ABCA13: variants seen among roughly 807,000 people sequenced by gnomAD.
ABCA13 encodes ATP binding cassette subfamily A member 13.
In ABCA13, 476 loss-of-function variants were observed where a neutral mutation model predicts 478.7. That is an observed-to-expected ratio of 0.99 (90% CI 0.92 to 1.07). The LOEUF (loss-of-function observed/expected upper bound fraction) is 1.07, where lower values mean the gene tolerates loss of function less well. Ranked by LOEUF, ABCA13 falls within the 50% of genes least tolerant of loss-of-function variation. ABCA13 has a pLI of 0.00. For missense variants in ABCA13, 6,060 were observed against 5,910.6 expected (o/e 1.03, Z -0.83); for synonymous variants, 2,252 against 2,158.9 (o/e 1.04, Z -1.20).
intron 48 of ABCA13, among the ~76,000 whole-genome samples, chr7:48,496,645 A>AT (rs1313001251): frequency 6.6e-6 from 1 of 151,692 alleles, no homozygotes; most frequent in African/African-American, 2.4e-5. Context: ...AAATTTGCTT[A>AT]TTTTTTTCAA....
At chr7:48,609,655 A>G (rs888433315) in intron 58 of ABCA13, among the ~76,000 whole-genome samples, 4 of 152,198 alleles carry the variant, frequency 2.6e-5, no homozygotes, top group South Asian at 4.1e-4. Flanking sequence ...ATGAATTCCA[A>G]TATAACTCCT....
At chr7:48,473,601 G>A (rs550085654) in intron 45 of ABCA13, among the ~76,000 whole-genome samples, 14 of 152,278 alleles carry the variant, frequency 9.2e-5, no homozygotes, top group African/African-American at 2.2e-4. Context: ...TACAAAAGTC[G>A]TTTGTCAGGG....
At position 48,352,183 on chromosome 7, in the gene ABCA13, A is replaced by T. The variant is rs1438840966; in HGVS notation, c.10384A>T (p.Ile3462Phe). 2 of 1,601,766 alleles carry T rather than the reference A, an allele frequency of 1.2e-6. No homozygotes were observed. The highest frequency in any genetic ancestry group is 1.4e-5 in the African/African-American group (1 of 72,990). The change falls in exon 31 of 62, where the codon ATC becomes TTC. Residue 3462 changes from isoleucine (I) to phenylalanine (F), a missense_variant and splice_region_variant. Physicochemically the swap from Ile to Phe is conservative, Grantham distance 21 (BLOSUM62 0). Transcript: ENST00000435803. ...LLQQNSFLAS[I>F]IFSNSLFDKN... is the part of the protein sequence containing the mutation. ...CGTTTTTCCTTTTCTGCCACTAGGT[A>T]TCATTTTCAGCAATTCCTTATTCGA...
At chr7:48,586,152 G>A (rs1016416694) in intron 56 of ABCA13, among the ~76,000 whole-genome samples, 5 of 152,110 alleles carry the variant, frequency 3.3e-5, no homozygotes, top group African/African-American at 4.8e-5. Context: ...GCTGTGAACC[G>A]CAGGCTCTTG....
intron 3 of ABCA13, among the ~76,000 whole-genome samples, chr7:48,211,998 A>G (rs1386010591): frequency 3.9e-5 from 6 of 152,092 alleles, no homozygotes; most frequent in Non-Finnish European, 7.4e-5. Flanking sequence ...CTTCAAAACC[A>G]GCAGAACACC....
At chr7:48,628,993 A>T (rs981852376) in intron 59 of ABCA13, among the ~76,000 whole-genome samples, 4 of 152,216 alleles carry the variant, frequency 2.6e-5, no homozygotes, top group Non-Finnish European at 5.9e-5. Context: ...TTTTACTCTG[A>T]TGCCATTTAT....
At chr7:48,547,719 A>G (rs59673264) in intron 55 of ABCA13, among the ~76,000 whole-genome samples, 20,348 of 151,856 alleles carry the variant, frequency 0.13, 1,881 homozygotes, top group African/African-American at 0.21. Flanking sequence ...TTTCACTTTC[A>G]GTACAGTATT....
At chr7:48,618,097 T>G (rs1189788124) in intron 59 of ABCA13, among the ~76,000 whole-genome samples, 1 of 152,088 alleles carries the variant, frequency 6.6e-6, no homozygotes, top group African/African-American at 2.4e-5. Context: ...CTCCCTGAGT[T>G]CATCCCACCT....
At chr7:48,185,277 A>G (rs1001845644) in intron 1 of ABCA13, among the ~76,000 whole-genome samples, 1 of 152,216 alleles carries the variant, frequency 6.6e-6, no homozygotes, top group African/African-American at 2.4e-5. Context: ...TGCTTTGCTT[A>G]TTATGGAACT....
At chr7:48,541,517 C>T (rs1411381034) in intron 55 of ABCA13, among the ~76,000 whole-genome samples, 1 of 151,922 alleles carries the variant, frequency 6.6e-6, no homozygotes, top group Non-Finnish European at 1.5e-5. Context: ...CCTAATTTTA[C>T]TGACAAGAAT....
In ABCA13 at chr7:48,274,157, A is replaced by C. The variant is rs1416823696; in HGVS notation, c.4491A>C (p.Thr1497=). 5 of 1,610,260 alleles carry C rather than the reference A, an allele frequency of 3.1e-6. No individual in the cohort carries two copies. In the Admixed American group the frequency reaches 6.7e-5, roughly 22 times the overall value. ...TATTAGCTCTTTTAAATGATTCCAC[A>C]AAGCAAGTAAGGATGAGTATCAACA... is the stretch of plus-strand genomic sequence containing the variant. ...EILLALLNDS[T]KQVRMSINNL... The change falls in exon 17 of 62, where the codon ACA becomes ACC. Residue 1497 remains threonine, a synonymous_variant. Transcript: ENST00000435803.
chr7:48,548,140 C>T (rs1036742232), intron 55 of ABCA13, among the ~76,000 whole-genome samples: 1 of 151,806 alleles, frequency 6.6e-6, no homozygotes, highest in East Asian at 1.9e-4. Context: ...GCTAACTGCT[C>T]ATACACAGCG....
chr7:48,399,867 G>T (rs916171860), intron 38 of ABCA13, among the ~76,000 whole-genome samples: 3 of 152,152 alleles, frequency 2.0e-5, no homozygotes, highest in African/African-American at 7.2e-5. Flanking sequence ...ACCCAGTGAA[G>T]GAAAGAAACA....
intron 38 of ABCA13, among the ~76,000 whole-genome samples, chr7:48,403,239 A>C (rs886879042): frequency 6.6e-6 from 1 of 152,234 alleles, no homozygotes; most frequent in African/African-American, 2.4e-5. Flanking sequence ...GATTTAGTGG[A>C]CAGTGGCCAG....
intron 41 of ABCA13, among the ~76,000 whole-genome samples, chr7:48,422,717 G>A (rs534560161): frequency 3.9e-5 from 6 of 152,230 alleles, no homozygotes; most frequent in Admixed American, 2.0e-4. Context: ...CGACGTCCAC[G>A]TCCTTATCAC....
In ABCA13 at chr7:48,272,882, T is replaced by G; in HGVS notation, c.3216T>G (p.Asp1072Glu). ...GCCTCAAACAGCTGCTCATAATTGATGAAGATTTTCGTATTTCTTTATTTC... is the reference window on the plus strand; with the variant it reads ...GCCTCAAACAGCTGCTCATAATTGAGGAAGATTTTCGTATTTCTTTATTTC... ...LTGLKQLLII[D>E]EDFRISLFQY... Residue 1072 changes from aspartate (D) to glutamate (E), a missense_variant, in exon 17 of 62, where the codon GAT (aspartate) becomes GAG (glutamate). Asp to Glu is a conservative substitution (Grantham distance 45). Transcript: ENST00000435803. The G allele has an allele frequency of 6.2e-7, 1 of 1,608,744 alleles. No homozygotes were observed. Among genetic ancestry groups the G allele is most frequent in the South Asian group, 1.1e-5 (1 of 90,422 alleles).
At chr7:48,269,696 G>A (rs1795341375) in intron 16 of ABCA13, among the ~76,000 whole-genome samples, 1 of 152,192 alleles carries the variant, frequency 6.6e-6, no homozygotes, top group Non-Finnish European at 1.5e-5. Context: ...AATCTGTGAA[G>A]ACTGCTAAAA....
chr7:48,462,698 A>G (rs541096801), intron 43 of ABCA13, among the ~76,000 whole-genome samples: 3 of 152,208 alleles, frequency 2.0e-5, no homozygotes, highest in African/African-American at 7.2e-5. Context: ...TAATAGAGAC[A>G]GGGTTTCACC....
At chr7:48,343,996 A>G (rs973528516) in intron 29 of ABCA13, among the ~76,000 whole-genome samples, 1 of 152,002 alleles carries the variant, frequency 6.6e-6, no homozygotes, top group African/African-American at 2.4e-5. Context: ...ACTGTTTTCT[A>G]TTTGTTTATT....
Sources: allele counts gnomAD v4.1 joint callset (sites outside exome capture counted in the v4.1 genomes callset), GRCh38; gene constraint gnomAD v4.1.1; transcripts MANE v1.5; gene names NCBI Gene and HGNC (gene_info 2026-07-23, HGNC 2026-07-21).